The following LSAMP variants were observed in gnomAD, a reference collection of about 807,000 sequenced individuals.
LSAMP encodes limbic system associated membrane protein.
LSAMP carries 7 observed loss-of-function variants against 38.6 expected under a neutral mutation model. The observed-to-expected ratio is 0.18, with a 90% CI of 0.10 to 0.34. The LOEUF is 0.34. Among genes scored for constraint, LSAMP ranks in the 10% least tolerant of loss-of-function variants. The pLI, the probability that LSAMP is intolerant of heterozygous loss-of-function variation, is 1.00. For synonymous variants in LSAMP, 154 were observed against 166.8 expected (o/e 0.92, Z 0.59); for missense variants, 313 against 420.0 (o/e 0.75, Z 2.23).
At chr3:116,189,540 G>C (rs1279642351) in intron 1 of LSAMP, among the ~76,000 whole-genome samples, 1 of 152,144 alleles carries the variant, frequency 6.6e-6, no homozygotes, top group African/African-American at 2.4e-5. Context: ...TCTAGGGAAG[G>C]CCTTCAACAG....
intron 1 of LSAMP, among the ~76,000 whole-genome samples, chr3:116,305,467 C>T (rs1407993267): frequency 6.6e-6 from 1 of 151,880 alleles, no homozygotes; most frequent in Non-Finnish European, 1.5e-5. Context: ...AAATGACAAC[C>T]TCTAGTCTCA....
intron 3 of LSAMP, among the ~76,000 whole-genome samples, chr3:115,964,612 T>C (rs569303449): frequency 3.2e-4 from 48 of 152,274 alleles, no homozygotes; most frequent in East Asian, 2.7e-3. Context: ...ACATTCATTA[T>C]GCGCAGATGA....
chr3:116,258,381 T>A (rs1298348093), intron 1 of LSAMP, among the ~76,000 whole-genome samples: 1 of 152,110 alleles, frequency 6.6e-6, no homozygotes, highest in Non-Finnish European at 1.5e-5. Context: ...ATTTAATTCT[T>A]CTGTATCTTT....
chr3:116,119,223 A>G lies in LSAMP; in HGVS notation c.156-32667T>C, dbSNP rs376655752. ...CAACCTAAAAGTTAATTACAGATGT[A>G]GGGAGAAAAGTGAGAGTAAAACATG... On this transcript the variant is annotated intron_variant, in intron 1 of 6. Transcript: ENST00000490035. Among the ~76,000 whole-genome samples, 172 of 152,198 alleles carry G rather than the reference A, an allele frequency of 1.1e-3. 1 individual carries two copies. In the South Asian group the frequency reaches 0.016, roughly 14 times the overall value.
chr3:116,096,312 A>C (rs1708224568), intron 1 of LSAMP, among the ~76,000 whole-genome samples: 1 of 152,206 alleles, frequency 6.6e-6, no homozygotes, highest in Admixed American at 6.5e-5. Flanking sequence ...AATCTTGGTC[A>C]TTCATTATGT....
chr3:116,022,571 C>T (rs1940670090), intron 2 of LSAMP, among the ~76,000 whole-genome samples: 1 of 152,060 alleles, frequency 6.6e-6, no homozygotes, highest in African/African-American at 2.4e-5. Context: ...TTTTTTATTT[C>T]CCTTGGATTC....
intron 1 of LSAMP, among the ~76,000 whole-genome samples, chr3:116,110,654 A>G (rs13087824): frequency 2.0e-5 from 3 of 152,184 alleles, no homozygotes; most frequent in Non-Finnish European, 2.9e-5. Flanking sequence ...GCCGCTTACC[A>G]GATTTGAAAT....
chr3:115,924,746 TA>T (rs1444231280), intron 3 of LSAMP, among the ~76,000 whole-genome samples: 1 of 152,180 alleles, frequency 6.6e-6, no homozygotes, highest in Admixed American at 6.5e-5. Context: ...AAATTATGCT[TA>T]AATAAATGTC....
intron 1 of LSAMP, among the ~76,000 whole-genome samples, chr3:116,175,612 TAC>T (rs1322654500): frequency 1.3e-5 from 2 of 152,028 alleles, no homozygotes; most frequent in Non-Finnish European, 2.9e-5. Context: ...AGGAGAGGTG[TAC>T]ACCCAAGGAA....
intron 1 of LSAMP, among the ~76,000 whole-genome samples, chr3:116,248,477 ATGTGTGTGTGTGTGTGTGTG>A (rs3028670): frequency 9.0e-4 from 127 of 141,070 alleles, no homozygotes; most frequent in Middle Eastern, 3.6e-3. Context: ...CCTGTCTCTA[ATGTGTGTGTGTGTGTGTGTG>A]TGTGTGTGTG....
chr3:116,237,233 T>A (rs1257042436), intron 1 of LSAMP, among the ~76,000 whole-genome samples: 4 of 152,142 alleles, frequency 2.6e-5, no homozygotes, highest in Admixed American at 6.6e-5. Flanking sequence ...ACATCAGTAT[T>A]AGTAACAATA....
At chr3:116,354,985 G>T (rs1460665753) in intron 1 of LSAMP, among the ~76,000 whole-genome samples, 5 of 151,862 alleles carry the variant, frequency 3.3e-5, no homozygotes, top group Non-Finnish European at 7.4e-5. Flanking sequence ...CATTATAGAT[G>T]CTGTTTGTTT....
chr3:116,269,030 G>C (rs940646769), intron 1 of LSAMP, among the ~76,000 whole-genome samples: 2 of 151,934 alleles, frequency 1.3e-5, no homozygotes, highest in Non-Finnish European at 2.9e-5. Context: ...CTGTTGGGTG[G>C]TCCTGACAAC....
chr3:116,263,781 T>C (rs1275363226), intron 1 of LSAMP, among the ~76,000 whole-genome samples: 3 of 152,186 alleles, frequency 2.0e-5, no homozygotes, highest in African/African-American at 7.2e-5. Flanking sequence ...ATCACTTGTA[T>C]TAATCTTCAT....
intron 2 of LSAMP, among the ~76,000 whole-genome samples, chr3:116,081,732 G>A (rs1012006404): frequency 6.6e-6 from 1 of 152,060 alleles, no homozygotes; most frequent in Non-Finnish European, 1.5e-5. Context: ...AGTCCGACAA[G>A]CCATGTGTGT....
At chr3:116,292,670 C>T (rs1488826546) in intron 1 of LSAMP, among the ~76,000 whole-genome samples, 1 of 152,152 alleles carries the variant, frequency 6.6e-6, no homozygotes, top group Non-Finnish European at 1.5e-5. Context: ...GATCTGGCCT[C>T]CTGACTGGTG....
At chr3:115,926,396 A>C (rs1447931472) in intron 3 of LSAMP, among the ~76,000 whole-genome samples, 1 of 152,238 alleles carries the variant, frequency 6.6e-6, no homozygotes, top group Non-Finnish European at 1.5e-5. Flanking sequence ...ATCACACGGA[A>C]ATGGTTTTGA....
intron 2 of LSAMP, among the ~76,000 whole-genome samples, chr3:116,044,029 A>T (rs1941238307): frequency 6.6e-6 from 1 of 152,232 alleles, no homozygotes. Context: ...CTCTTCCTCC[A>T]TGAGCCCTCT....
In LSAMP at chr3:116,240,235, G is replaced by T. The variant is rs140774219; in HGVS notation, c.156-153679C>A. On this transcript the variant is annotated intron_variant, in intron 1 of 6. Coordinates refer to ENST00000490035, the MANE Select transcript of LSAMP (RefSeq NM_002338.5). ...ATTTGACAAAAATGATATCTATCAT[G>T]CATGCTATTTATGAGATCTATGAAG... Among the ~76,000 whole-genome samples the T allele has an allele frequency of 2.0e-5, 3 of 152,280 alleles. No homozygotes were observed. The South Asian group carries it at 6.2e-4, about 32-fold the overall frequency.
Sources: gnomAD v4.1 joint callset for allele counts (sites outside exome capture counted in the v4.1 genomes callset) on GRCh38, gnomAD v4.1.1 for gene constraint, MANE v1.5 for transcripts, NCBI Gene and HGNC (gene_info 2026-07-23, HGNC 2026-07-21) for gene names.